ABCA5: variants seen among roughly 807,000 people sequenced by gnomAD.
The protein encoded by ABCA5 is ATP binding cassette subfamily A member 5.
Under a neutral mutation model 206.0 loss-of-function variants are expected in ABCA5, and 163 were observed. That is an observed-to-expected ratio of 0.79 (90% CI 0.70 to 0.90). The LOEUF is 0.90. Among genes scored for constraint, ABCA5 ranks in the 40% least tolerant of loss-of-function variants. The pLI, the probability that ABCA5 is intolerant of heterozygous loss-of-function variation, is 0.00. For synonymous variants in ABCA5, 609 were observed against 613.8 expected (o/e 0.99, Z 0.11); for missense variants, 1,859 against 1,912.9 (o/e 0.97, Z 0.53).
chr17:69,248,240 T>A (rs774613336), intron 38 of ABCA5, 22 bp downstream of exon 38: 3 of 1,409,492 alleles, frequency 2.1e-6, no homozygotes, highest in Non-Finnish European at 2.9e-6. Context: ...AAATAATTTT[T>A]AAAAATTTAA....
chr17:69,294,716 G>T lies in ABCA5; in HGVS notation c.1437-3C>A, dbSNP rs1012679759. Reference sequence around the variant, plus strand: ...ATGTCTTCTGAATACCACTAATTCTGAAATATAAAGTTTTATATTTTAAGT... The same window carrying T: ...ATGTCTTCTGAATACCACTAATTCTTAAATATAAAGTTTTATATTTTAAGT... On this transcript the variant is annotated splice_region_variant and splice_polypyrimidine_tract_variant and intron_variant, in intron 10 of 38. Coordinates refer to ENST00000392676, the MANE Select transcript of ABCA5 (RefSeq NM_172232.4). 2 of 1,582,474 alleles carry T rather than the reference G, an allele frequency of 1.3e-6. No homozygotes were observed. Among genetic ancestry groups the T allele is most frequent in the Non-Finnish European group, 8.6e-7 (1 of 1,157,634 alleles).
At chr17:69,266,706 G>A (rs954071655) in intron 23 of ABCA5, among the ~76,000 whole-genome samples, 1 of 148,806 alleles carries the variant, frequency 6.7e-6, no homozygotes. Context: ...TGTGCAGTGG[G>A]TTATGGATTT....
chr17:69,265,409 C>T (rs1286572983), intron 23 of ABCA5, among the ~76,000 whole-genome samples: 1 of 151,908 alleles, frequency 6.6e-6, no homozygotes, highest in Non-Finnish European at 1.5e-5. Flanking sequence ...ATGTTCAAAG[C>T]CTTTTGTGTA....
In ABCA5 at chr17:69,244,629, G is replaced by T. The variant is rs1057022606; in HGVS notation, c.*2908C>A. 9.2e-5 allele frequency: 14 copies of T among 151,386 alleles called. No homozygotes were observed. The highest frequency in any genetic ancestry group is 1.5e-5 in the Non-Finnish European group (1 of 67,738). The allele number at this position is 151,386 out of a possible 1,614,324, so 9.4% of individuals were successfully genotyped here. The stretch of plus-strand genomic sequence containing the variant: ...GAAAGAAAATAAAAAATCAATGTTA[G>T]CAAATTAAAAATACATTAAGGATAA... On this transcript the variant is annotated 3_prime_UTR_variant, in exon 39 of 39. Transcript: ENST00000392676.
intron 38 of ABCA5, 86 bp downstream of exon 38, chr17:69,248,175 TC>T (rs1301479787): frequency 1.3e-6 from 1 of 742,996 alleles, no homozygotes; most frequent in African/African-American, 1.8e-5. Context: ...GTTTACGATA[TC>T]TCTCCCTCTC....
intron 19 of ABCA5, among the ~76,000 whole-genome samples, chr17:69,275,980 C>T (rs1567761524): frequency 1.3e-5 from 2 of 152,042 alleles, no homozygotes; most frequent in East Asian, 1.9e-4. Context: ...GATCTCAGAA[C>T]TGCAGCCATC....
intron 11 of ABCA5, among the ~76,000 whole-genome samples, chr17:69,294,222 C>T (rs1350283233): frequency 6.6e-6 from 1 of 151,958 alleles, no homozygotes; most frequent in Non-Finnish European, 1.5e-5. Context: ...ACGAAAGTAT[C>T]TCAAAAAAGC....
chr17:69,251,756 C>G lies in ABCA5; in HGVS notation c.4526G>C (p.Gly1509Ala). The change falls in exon 35 of 39, where the codon GGG becomes GCG. Residue 1509 changes from glycine to alanine, a missense_variant. By Grantham distance (60) the Gly-to-Ala change is moderately conservative. Coordinates refer to ENST00000392676, the MANE Select transcript of ABCA5 (RefSeq NM_172232.4). Reference protein sequence around the residue: ...VCDRVAIMVSGQLRCIGTVQH... With the variant: ...VCDRVAIMVSAQLRCIGTVQH... ...CTATTTAGACATCAACCTTAACTGC[C>G]CAGACACCATGATAGCTACTCGATC... 1 of 1,613,728 alleles carries G rather than the reference C, an allele frequency of 6.2e-7. No homozygotes were observed.
chr17:69,315,476 T>A (rs935058714), intron 1 of ABCA5: 6 of 152,212 alleles, frequency 3.9e-5, no homozygotes, highest in African/African-American at 1.4e-4. Flanking sequence ...AATATTACAC[T>A]GCAAATGAAG....
At chr17:69,250,299 C>T (rs1408201414) in intron 36 of ABCA5, among the ~76,000 whole-genome samples, 173 bp downstream of exon 36, 3 of 151,534 alleles carry the variant, frequency 2.0e-5, no homozygotes, top group Non-Finnish European at 4.4e-5. Flanking sequence ...TATCTATCTA[C>T]AGATACATAT....
intron 11 of ABCA5, among the ~76,000 whole-genome samples, chr17:69,291,610 T>C (rs535604287): frequency 1.3e-5 from 2 of 152,166 alleles, no homozygotes; most frequent in Non-Finnish European, 2.9e-5. Context: ...GAATTACCAA[T>C]GGAACCAATG....
intron 9 of ABCA5, among the ~76,000 whole-genome samples, chr17:69,298,350 A>AAGGAAGGAAG (rs1228360629): frequency 0.26 from 26,586 of 103,804 alleles, 6,302 homozygotes; most frequent in Non-Finnish European, 0.34. Flanking sequence ...AAGGAAGGAA[A>AAGGAAGGAAG]GAAGGAAAGA....
chr17:69,286,147 A>G lies in ABCA5; in HGVS notation c.2132+74T>C, dbSNP rs528430821. ...CCATAAATGATGGTCAAAGCATATA[A>G]CAGCAAGCCTCCAACATAATAACAG... is the stretch of plus-strand genomic sequence containing the variant. On this transcript the variant is annotated intron_variant, in intron 16 of 38. Transcript: ENST00000392676. The G allele has an allele frequency of 1.4e-5, 22 of 1,549,420 alleles. No individual in the cohort carries two copies. The South Asian group carries it at 2.6e-4, about 18-fold the overall frequency.
intron 18 of ABCA5, among the ~76,000 whole-genome samples, chr17:69,283,470 A>G (rs1454104080): frequency 8.5e-5 from 13 of 152,182 alleles, no homozygotes. Flanking sequence ...CTTCCACACT[A>G]CAATAGGAAA....
chr17:69,280,647 A>C (rs62080886), intron 18 of ABCA5, among the ~76,000 whole-genome samples: 1 of 151,086 alleles, frequency 6.6e-6, no homozygotes, highest in African/African-American at 2.4e-5. Flanking sequence ...ATGTCCAACA[A>C]TGATAGACTG....
intron 3 of ABCA5, among the ~76,000 whole-genome samples, 172 bp from the exon 4 acceptor site, chr17:69,309,595 C>G (rs1354383089): frequency 1.3e-5 from 2 of 152,182 alleles, no homozygotes; most frequent in African/African-American, 4.8e-5. Flanking sequence ...GTAATCCCAA[C>G]ATTTTGGAAG....
At chr17:69,252,418 C>T (rs541327948) in intron 34 of ABCA5, among the ~76,000 whole-genome samples, 60 of 152,094 alleles carry the variant, frequency 3.9e-4, no homozygotes, top group Admixed American at 3.7e-3. Flanking sequence ...AGTATGACAA[C>T]AAATAAATTT....
At position 69,274,128 on chromosome 17, in the gene ABCA5, C is replaced by A. The variant is rs768216806; in HGVS notation, c.2595G>T (p.Val865=). 6 of 1,561,482 alleles carry A rather than the reference C, an allele frequency of 3.8e-6. No homozygotes were observed. Among genetic ancestry groups the A allele is most frequent in the South Asian group, 1.2e-5 (1 of 81,936 alleles). ...TGAAAAAAATTAAAAGCAGAAGCAA[C>A]CTGAAAAGAAAAAAAAAACAACACA... ...LKRESKSVRS[V]LLLLLIFFTV... is the part of the protein sequence containing the mutation. The change falls in exon 20 of 39, where the codon GTG becomes GTT. Residue 865 remains valine (V), a splice_region_variant and synonymous_variant. Coordinates refer to ENST00000392676, the MANE Select transcript of ABCA5 (RefSeq NM_172232.4).
At chr17:69,278,735 C>T (rs144007212) in intron 18 of ABCA5, among the ~76,000 whole-genome samples, 45 of 152,232 alleles carry the variant, frequency 3.0e-4, no homozygotes, top group African/African-American at 9.1e-4. Flanking sequence ...AATTTATTTA[C>T]GTACTTTATG....
Sources: allele counts gnomAD v4.1 joint callset (sites outside exome capture counted in the v4.1 genomes callset), GRCh38; gene constraint gnomAD v4.1.1; transcripts MANE v1.5; gene names NCBI Gene and HGNC (gene_info 2026-07-23, HGNC 2026-07-21).